Variants in STN1 observed in about 807,000 individuals in gnomAD.
STN1 encodes STN1 subunit of CST complex.
In STN1, 29 loss-of-function variants were observed where a neutral mutation model predicts 45.5. The ratio of observed to expected loss-of-function variants is 0.64; its 90% CI spans 0.47 to 0.87. STN1 has a LOEUF of 0.87. Among genes scored for constraint, STN1 ranks in the 40% least tolerant of loss-of-function variants. The pLI, the probability that STN1 is intolerant of heterozygous loss-of-function variation, is 0.00. For synonymous variants in STN1, 148 were observed against 159.0 expected, an observed-to-expected ratio of 0.93 and a Z score of 0.52; for missense variants, 376 against 441.4, an observed-to-expected ratio of 0.85 and a Z score of 1.33.
chr10:103,896,983 G>A (rs1021306300), intron 7 of STN1, among the ~76,000 whole-genome samples: 1 of 152,100 alleles, frequency 6.6e-6, no homozygotes, highest in African/African-American at 2.4e-5. Context: ...ATGAGAGGAG[G>A]TAATTATCCA....
At chr10:103,907,281 T>C (rs1463949866) in intron 3 of STN1, among the ~76,000 whole-genome samples, 1 of 152,204 alleles carries the variant, frequency 6.6e-6, no homozygotes, top group Non-Finnish European at 1.5e-5. Flanking sequence ...TTTATAAATA[T>C]GGAATTGGTT....
At chr10:103,899,087 C>A in intron 5 of STN1, 87 bp from the exon 6 acceptor site, 6 of 1,469,312 alleles carry the variant, frequency 4.1e-6, no homozygotes, top group Non-Finnish European at 5.6e-6. Flanking sequence ...GCTGCTAAGA[C>A]AACAGTAAAT....
intron 2 of STN1, among the ~76,000 whole-genome samples, chr10:103,915,672 T>G (rs1016493924): frequency 5.9e-5 from 9 of 152,226 alleles, no homozygotes; most frequent in African/African-American, 2.2e-4. Flanking sequence ...GCCTTTATAG[T>G]AAATGGAACC....
At chr10:103,895,863 T>C (rs1843167699) in intron 7 of STN1, among the ~76,000 whole-genome samples, 1 of 152,336 alleles carries the variant, frequency 6.6e-6, no homozygotes, top group South Asian at 2.1e-4. Context: ...ACTGGTCATA[T>C]ACATGATGGT....
intron 6 of STN1, 64 bp from the exon 7 acceptor site, chr10:103,897,783 T>C (rs767626970): frequency 1.1e-5 from 17 of 1,544,184 alleles, no homozygotes; most frequent in Non-Finnish European, 1.3e-5. Context: ...TTTTGGTGTA[T>C]AAAAACCAGA....
intron 3 of STN1, among the ~76,000 whole-genome samples, chr10:103,906,525 G>C (rs77878632): frequency 6.6e-6 from 1 of 152,098 alleles, no homozygotes; most frequent in Non-Finnish European, 1.5e-5. Flanking sequence ...GCCAGGCTTG[G>C]TGGTATGTGC....
chr10:103,878,550 C>T lies in STN1; in HGVS notation c.*4134G>A, dbSNP rs1843045609. The T allele has an allele frequency of 6.6e-6, 1 of 152,098 alleles. No homozygotes were observed. Among genetic ancestry groups the T allele is most frequent in the Non-Finnish European group, 1.5e-5 (1 of 68,032 alleles). The allele number at this position is 152,098 out of a possible 1,614,324, so 9.4% of individuals were successfully genotyped here. ...GCCCGGGCCGAGTCTGGCTTACACA[C>T]CGGTTGAATTCTTGTCCAGCGCCCA... On this transcript the variant is annotated 3_prime_UTR_variant, in exon 10 of 10. Transcript: ENST00000224950.
intron 8 of STN1, among the ~76,000 whole-genome samples, chr10:103,889,741 C>T (rs570368295): frequency 3.5e-4 from 49 of 139,396 alleles, no homozygotes; most frequent in Non-Finnish European, 6.4e-4. Context: ...TCACTCTTAT[C>T]GCCCAGGCTG....
intron 1 of STN1, among the ~76,000 whole-genome samples, 163 bp downstream of exon 1, chr10:103,917,937 C>A (rs187951308): frequency 1.3e-5 from 2 of 152,344 alleles, no homozygotes; most frequent in East Asian, 3.9e-4. Context: ...TCTGTACAGG[C>A]GTAGCAGAAA....
Position 103,880,186 on chromosome 10 carries a change from G to A in STN1, c.*2498C>T, listed in dbSNP as rs1237355233. Among the ~76,000 whole-genome samples, 2 of 152,236 alleles carry A rather than the reference G, an allele frequency of 1.3e-5. No individual in the cohort carries two copies. Among genetic ancestry groups the A allele is most frequent in the Admixed American group, 6.5e-5 (1 of 15,286 alleles). On this transcript the variant is annotated 3_prime_UTR_variant, in exon 10 of 10. Coordinates refer to ENST00000224950, the MANE Select transcript of STN1 (RefSeq NM_024928.5). The stretch of plus-strand genomic sequence containing the variant: ...GAGTGATGAAACAGTTTTCAACAGA[G>A]AGGAGACGTGGGGGTGGTCCCCCTA...
At chr10:103,886,375 G>C (rs982404158) in intron 9 of STN1, among the ~76,000 whole-genome samples, 4 of 151,044 alleles carry the variant, frequency 2.6e-5, no homozygotes, top group African/African-American at 9.7e-5. Flanking sequence ...AGGGTATATC[G>C]GTGTTTATTG....
At chr10:103,912,165 T>C (rs1322453464) in intron 2 of STN1, among the ~76,000 whole-genome samples, 1 of 151,976 alleles carries the variant, frequency 6.6e-6, no homozygotes, top group Non-Finnish European at 1.5e-5. Flanking sequence ...AAACTTGGAT[T>C]GAATGGAGAC....
intron 7 of STN1, among the ~76,000 whole-genome samples, chr10:103,896,165 A>C (rs1051137375): frequency 6.6e-6 from 1 of 152,186 alleles, no homozygotes; most frequent in African/African-American, 2.4e-5. Context: ...AATTTTTAAA[A>C]ATCATTCATT....
rs1843051749 is a variant in STN1 at position 103,879,312 on chromosome 10, C to T, written c.*3372G>A. On this transcript the variant is annotated 3_prime_UTR_variant, in exon 10 of 10. Transcript: ENST00000224950. ...CTGTCTATTGGGGGAAAATAATAAA[C>T]AGGGCAAGTAAGAAACCATGGAGTG... is the stretch of plus-strand genomic sequence containing the variant. The T allele has an allele frequency of 6.6e-6, 1 of 152,414 alleles. No homozygotes were observed. The highest frequency in any genetic ancestry group is 3.4e-3 in the Middle Eastern group (1 of 294). The allele number at this position is 152,414 out of a possible 1,614,324, so 9.4% of individuals were successfully genotyped here. A position where few individuals can be genotyped will look rare whatever the true frequency, so the allele number is the denominator to read the frequency against.
chr10:103,878,556 GA>G lies in STN1; in HGVS notation c.*4127del, dbSNP rs1843045731. 6.6e-6 allele frequency: 1 copy of G among 152,180 alleles called. No individual in the cohort carries two copies. Among genetic ancestry groups the G allele is most frequent in the African/African-American group, 2.4e-5 (1 of 41,440 alleles). The allele number at this position is 152,180 out of a possible 1,614,324, so 9.4% of individuals were successfully genotyped here. ...GCCGAGTCTGGCTTACACACCGGTTGAATTCTTGTCCAGCGCCCAAGAAGAA... is the reference window on the plus strand; with the variant it reads ...GCCGAGTCTGGCTTACACACCGGTTGATTCTTGTCCAGCGCCCAAGAAGAA... On this transcript the variant is annotated 3_prime_UTR_variant, in exon 10 of 10. Coordinates refer to ENST00000224950, the MANE Select transcript of STN1 (RefSeq NM_024928.5).
chr10:103,882,759 C>A lies in STN1; in HGVS notation c.1032G>T (p.Leu344=), dbSNP rs1589494859. The A allele has an allele frequency of 2.5e-6, 4 of 1,614,212 alleles. No homozygotes were observed. The highest frequency in any genetic ancestry group is 1.6e-4 in the Middle Eastern group (1 of 6,062). The change falls in exon 10 of 10, where the codon CTG becomes CTT. Residue 344 remains leucine (L), a synonymous_variant. Coordinates refer to ENST00000224950, the MANE Select transcript of STN1 (RefSeq NM_024928.5). ...CCTCCAGGAGCTCCAGAACTTGCTGCAGCACAGCCTCGCTCAGGCCCGGGC... is the reference window on the plus strand; with the variant it reads ...CCTCCAGGAGCTCCAGAACTTGCTGAAGCACAGCCTCGCTCAGGCCCGGGC... ...SIRPGLSEAV[L]QQVLELLEDQ...
rs1193951328 is a variant in STN1 at position 103,898,891 on chromosome 10, T to G, written c.567A>C (p.Lys189Asn). 1 of 1,613,884 alleles carries G rather than the reference T, an allele frequency of 6.2e-7. No homozygotes were observed. Among genetic ancestry groups the G allele is most frequent in the Non-Finnish European group, 8.5e-7 (1 of 1,179,936 alleles). ...TCACCACTTACCTTAGTGCCTCTTCTTTCTCTAGGGCTGAGCTGTGAAAAG... is the reference window on the plus strand; with the variant it reads ...TCACCACTTACCTTAGTGCCTCTTCGTTCTCTAGGGCTGAGCTGTGAAAAG... Reference protein sequence around the residue: ...DQPFHSSALEKEEALSNPGAL... With the variant: ...DQPFHSSALENEEALSNPGAL... The change falls in exon 6 of 10, where the codon AAA becomes AAC. Residue 189 changes from lysine to asparagine, a missense_variant. Lys to Asn is a moderately conservative substitution (Grantham distance 94). Transcript: ENST00000224950.
chr10:103,896,014 A>G (rs1327423891), intron 7 of STN1, among the ~76,000 whole-genome samples: 1 of 152,214 alleles, frequency 6.6e-6, no homozygotes, highest in Non-Finnish European at 1.5e-5. Flanking sequence ...GGCTACAGTG[A>G]CTTAGAGTAC....
Position 103,878,803 on chromosome 10 carries a change from G to A in STN1, c.*3881C>T, listed in dbSNP as rs866383586. On this transcript the variant is annotated 3_prime_UTR_variant, in exon 10 of 10. Coordinates refer to ENST00000224950, the MANE Select transcript of STN1 (RefSeq NM_024928.5). ...AGTGTTAGTTTGTGTTCATCCAGGA[G>A]CCAATCCTGAGACAGAGACCGGAAA... is the stretch of plus-strand genomic sequence containing the variant. 3.9e-5 allele frequency: 6 copies of A among 152,294 alleles called. No homozygotes were observed. The highest frequency in any genetic ancestry group is 4.1e-4 in the South Asian group (2 of 4,826). 9.4% of individuals were successfully genotyped at this position (152,294 alleles called of 1,614,324 possible).
Sources: allele counts gnomAD v4.1 joint callset (sites outside exome capture counted in the v4.1 genomes callset), GRCh38; gene constraint gnomAD v4.1.1; transcripts MANE v1.5; gene names NCBI Gene and HGNC (gene_info 2026-07-23, HGNC 2026-07-21).